AUTS2: variants seen among roughly 807,000 people sequenced by gnomAD.
AUTS2 encodes the protein activator of transcription and developmental regulator AUTS2, also known as autism susceptibility gene 2 protein.
Under a neutral mutation model 112.4 loss-of-function variants are expected in AUTS2, and 17 were observed. The ratio of observed to expected loss-of-function variants is 0.15; its 90% CI spans 0.10 to 0.23. The LOEUF (loss-of-function observed/expected upper bound fraction) is 0.23. AUTS2 is among the 10% of genes least tolerant of loss of function. The pLI is 1.00. For missense variants in AUTS2, 1,510 were observed against 1,701.6 expected, an observed-to-expected ratio of 0.89 and a Z score of 1.98; for synonymous variants, 751 against 702.7, an observed-to-expected ratio of 1.07 and a Z score of -1.09.
intron 4 of AUTS2, among the ~76,000 whole-genome samples, chr7:70,380,539 C>T (rs998765624): frequency 3.9e-5 from 6 of 152,244 alleles, no homozygotes; most frequent in African/African-American, 7.2e-5. Context: ...CAGTCCACAG[C>T]CTGGGCTTAT....
intron 4 of AUTS2, among the ~76,000 whole-genome samples, chr7:70,239,692 C>A (rs777085646): frequency 1.3e-5 from 2 of 152,156 alleles, no homozygotes; most frequent in African/African-American, 2.4e-5. Flanking sequence ...ACCTGGGACT[C>A]CCAAAGTGTT....
At chr7:70,508,219 A>G (rs1799047213) in intron 5 of AUTS2, among the ~76,000 whole-genome samples, 1 of 151,962 alleles carries the variant, frequency 6.6e-6, no homozygotes, top group Non-Finnish European at 1.5e-5. Flanking sequence ...TCCCAGTGGG[A>G]CCCATTAGAG....
intron 2 of AUTS2, among the ~76,000 whole-genome samples, chr7:70,088,054 G>A (rs2129566873): frequency 6.7e-6 from 1 of 148,432 alleles, no homozygotes; most frequent in Admixed American, 6.7e-5. Context: ...TTTTTTCCAG[G>A]TCAGTGTGGC....
At chr7:70,769,615 G>A (rs1790204705) in intron 10 of AUTS2, among the ~76,000 whole-genome samples, 1 of 152,208 alleles carries the variant, frequency 6.6e-6, no homozygotes, top group South Asian at 2.1e-4. Flanking sequence ...AACCCGGGAG[G>A]CGGAGCTTGC....
chr7:70,168,705 A>G (rs1283642760), intron 4 of AUTS2, among the ~76,000 whole-genome samples: 1 of 152,226 alleles, frequency 6.6e-6, no homozygotes, highest in Non-Finnish European at 1.5e-5. Context: ...AATTCTCGAT[A>G]TGTATTGAAA....
chr7:70,309,037 T>C (rs2129614941), intron 4 of AUTS2, among the ~76,000 whole-genome samples: 1 of 152,268 alleles, frequency 6.6e-6, no homozygotes, highest in Admixed American at 6.5e-5. Flanking sequence ...AGGCAAGTGG[T>C]TGTATGGTAG....
At chr7:70,560,468 G>A (rs1349507178) in intron 5 of AUTS2, among the ~76,000 whole-genome samples, 3 of 152,166 alleles carry the variant, frequency 2.0e-5, no homozygotes, top group African/African-American at 4.8e-5. Context: ...ATATGTTTGG[G>A]CTGGAAGCAA....
chr7:70,515,461 T>C (rs1290538571), intron 5 of AUTS2, among the ~76,000 whole-genome samples: 1 of 152,194 alleles, frequency 6.6e-6, no homozygotes, highest in Non-Finnish European at 1.5e-5. Context: ...AGCCCTTTCC[T>C]ATTGATTCAC....
chr7:69,612,542 C>G (rs1793104870), intron 1 of AUTS2, among the ~76,000 whole-genome samples: 1 of 152,062 alleles, frequency 6.6e-6, no homozygotes, highest in Non-Finnish European at 1.5e-5. Context: ...TCACTGCAGC[C>G]TCGACCTCCT....
intron 4 of AUTS2, among the ~76,000 whole-genome samples, chr7:70,256,553 A>G (rs1185984326): frequency 1.3e-5 from 2 of 152,214 alleles, no homozygotes; most frequent in East Asian, 3.9e-4. Context: ...AGAATGAAAT[A>G]TGACAGTTGT....
At chr7:70,018,556 C>T (rs1800134047) in intron 2 of AUTS2, among the ~76,000 whole-genome samples, 1 of 152,206 alleles carries the variant, frequency 6.6e-6, no homozygotes, top group African/African-American at 2.4e-5. Flanking sequence ...TTCTCTATGA[C>T]ATTGACTGTT....
intron 1 of AUTS2, among the ~76,000 whole-genome samples, chr7:69,825,335 T>C (rs1791191538): frequency 6.6e-6 from 1 of 152,148 alleles, no homozygotes; most frequent in Non-Finnish European, 1.5e-5. Context: ...TCCAGATACA[T>C]AGTTGCTCTG....
chr7:70,012,232 A>C (rs1011108188), intron 2 of AUTS2, among the ~76,000 whole-genome samples: 4 of 152,128 alleles, frequency 2.6e-5, no homozygotes, highest in African/African-American at 9.7e-5. Context: ...AGGGGTGGAC[A>C]AGCAGGATTG....
chr7:70,410,580 C>T (rs985889555), intron 4 of AUTS2, among the ~76,000 whole-genome samples: 5 of 151,744 alleles, frequency 3.3e-5, no homozygotes, highest in Non-Finnish European at 7.4e-5. Context: ...TGCACCACCA[C>T]ACCCGGCTAA....
intron 2 of AUTS2, among the ~76,000 whole-genome samples, chr7:69,935,068 CA>C (rs1796357814): frequency 6.6e-6 from 1 of 152,168 alleles, no homozygotes; most frequent in African/African-American, 2.4e-5. Context: ...TAAAGATCCC[CA>C]GGAAGGGTCC....
chr7:70,267,257 A>G (rs1787474439), intron 4 of AUTS2, among the ~76,000 whole-genome samples: 1 of 151,750 alleles, frequency 6.6e-6, no homozygotes, highest in African/African-American at 2.4e-5. Context: ...ATTACCAGTC[A>G]AAGATAAACT....
chr7:70,688,115 G>T (rs1184621120), intron 5 of AUTS2, among the ~76,000 whole-genome samples: 1 of 152,172 alleles, frequency 6.6e-6, no homozygotes, highest in African/African-American at 2.4e-5. Flanking sequence ...AGGCTTCTCA[G>T]TAGCTGTTGT....
At chr7:69,982,470 G>GA (rs66884131) in intron 2 of AUTS2, among the ~76,000 whole-genome samples, 17 of 151,372 alleles carry the variant, frequency 1.1e-4, no homozygotes, top group African/African-American at 2.4e-4. Flanking sequence ...CCTGAGGGGG[G>GA]AAAAAAAACG....
chr7:70,518,269 A>G (rs1006685103), intron 5 of AUTS2, among the ~76,000 whole-genome samples: 2 of 152,194 alleles, frequency 1.3e-5, no homozygotes, highest in African/African-American at 4.8e-5. Context: ...GGCAATCAGG[A>G]CGCAGGGGAG....
Sources: allele counts gnomAD v4.1 joint callset (sites outside exome capture counted in the v4.1 genomes callset), GRCh38; gene constraint gnomAD v4.1.1; transcripts MANE v1.5; gene names NCBI Gene and HGNC (gene_info 2026-07-23, HGNC 2026-07-21).